The following TUSC3 variants were observed in gnomAD, a reference collection of about 807,000 sequenced individuals.
TUSC3 encodes dolichyl-diphosphooligosaccharide--protein glycosyltransferase subunit TUSC3.
Under a neutral mutation model 44.8 loss-of-function variants are expected in TUSC3, and 45 were observed. The observed-to-expected ratio is 1.00, with a 90% CI of 0.79 to 1.29. The LOEUF is 1.29. TUSC3 is among the 50% of genes most tolerant of loss of function. TUSC3 has a pLI of 0.00. For synonymous variants in TUSC3, 212 were observed against 152.9 expected, an observed-to-expected ratio of 1.39 and a Z score of -2.85; for missense variants, 519 against 437.9, an observed-to-expected ratio of 1.19 and a Z score of -1.65.
At chr8:15,761,442 T>C (rs527879426) in intron 10 of TUSC3, among the ~76,000 whole-genome samples, 1 of 152,284 alleles carries the variant, frequency 6.6e-6, no homozygotes, top group African/African-American at 2.4e-5. Context: ...GGGGGCACAT[T>C]TGTGCTAGTC....
the TUSC3 span, among the ~76,000 whole-genome samples, chr8:15,808,178 A>G: frequency 6.6e-6 from 1 of 152,178 alleles, no homozygotes; most frequent in Admixed American, 6.5e-5. Flanking sequence ...TTGAGTAACA[A>G]TTACCTGCAA....
Position 15,623,093 on chromosome 8 carries a change from A to G in TUSC3, c.152A>G (p.Glu51Gly). The stretch of plus-strand genomic sequence containing the variant: ...GTTTAATTGCAGAATCTTTTAGCTG[A>G]AAAAGTAGAGCAGCTGATGGAATGG... ...GQKKKENLLA[E>G]KVEQLMEWSS... The change falls in exon 2 of 11, where the codon GAA (glutamate) becomes GGA (glycine). Residue 51 changes from glutamate (E) to glycine (G), a missense_variant. By Grantham distance (98) the Glu-to-Gly change is moderately conservative (BLOSUM62 -2). Transcript: ENST00000503731. 1 of 1,613,606 alleles carries G rather than the reference A, an allele frequency of 6.2e-7. No individual in the cohort carries two copies. The highest frequency in any genetic ancestry group is 8.5e-7 in the Non-Finnish European group (1 of 1,179,720).
intron 2 of TUSC3, among the ~76,000 whole-genome samples, chr8:15,624,009 G>C (rs1174161707): frequency 6.6e-6 from 1 of 151,980 alleles, no homozygotes; most frequent in Non-Finnish European, 1.5e-5. Flanking sequence ...GCAATCACTA[G>C]TCTGTTCTCC....
chr8:15,783,365 AAAAC>A, the TUSC3 span, among the ~76,000 whole-genome samples: 1 of 152,348 alleles, frequency 6.6e-6, no homozygotes, highest in African/African-American at 2.4e-5. Flanking sequence ...CAGAAATAGA[AAAAC>A]AAATCCTAAA....
chr8:15,809,813 C>T, the TUSC3 span, among the ~76,000 whole-genome samples: 1 of 152,170 alleles, frequency 6.6e-6, no homozygotes, highest in Non-Finnish European at 1.5e-5. Context: ...CAACATTTGG[C>T]TTTCTTTACA....
intron 1 of TUSC3, among the ~76,000 whole-genome samples, chr8:15,568,605 C>CT (rs113701042): frequency 0.018 from 2,574 of 140,696 alleles, 63 homozygotes; most frequent in African/African-American, 0.055. Context: ...TACACAAATT[C>CT]TTTTTTTTTT....
intron 2 of TUSC3, among the ~76,000 whole-genome samples, chr8:15,500,927 A>G (rs1435907598): frequency 6.6e-6 from 1 of 152,230 alleles, no homozygotes; most frequent in Non-Finnish European, 1.5e-5. Flanking sequence ...ATAACTTTAA[A>G]TTCTTACAAG....
intron 10 of TUSC3, among the ~76,000 whole-genome samples, chr8:15,763,082 T>C (rs1563212165): frequency 6.6e-6 from 1 of 152,040 alleles, no homozygotes; most frequent in Non-Finnish European, 1.5e-5. Flanking sequence ...ACTGTGACTT[T>C]ATTTACATTT....
intron 6 of TUSC3, among the ~76,000 whole-genome samples, chr8:15,691,120 T>G (rs920402372): frequency 6.6e-6 from 1 of 152,040 alleles, no homozygotes; most frequent in African/African-American, 2.4e-5. Context: ...GCTATAGTGA[T>G]TCTTCCTAAT....
chr8:15,428,487 T>C (rs1489751367), intron 1 of TUSC3, among the ~76,000 whole-genome samples: 1 of 152,098 alleles, frequency 6.6e-6, no homozygotes, highest in Non-Finnish European at 1.5e-5. Flanking sequence ...ATATACCCAG[T>C]AATGGGATGG....
intron 1 of TUSC3, among the ~76,000 whole-genome samples, chr8:15,450,595 G>A (rs368002487): frequency 2.0e-5 from 3 of 152,188 alleles, no homozygotes; most frequent in Non-Finnish European, 4.4e-5. Context: ...GCTTGAACCC[G>A]GGCGGCAGAG....
At chr8:15,554,744 A>G (rs1308790926) in intron 1 of TUSC3, among the ~76,000 whole-genome samples, 1 of 150,016 alleles carries the variant, frequency 6.7e-6, no homozygotes, top group Non-Finnish European at 1.5e-5. Flanking sequence ...CTGGGACCAC[A>G]GGCGCCCTCA....
intron 1 of TUSC3, among the ~76,000 whole-genome samples, chr8:15,441,634 A>AT (rs1237864717): frequency 6.6e-6 from 1 of 152,178 alleles, no homozygotes; most frequent in Admixed American, 6.5e-5. Context: ...TATTAGGGAC[A>AT]TTTCTCATTC....
In TUSC3 at chr8:15,668,126, T is replaced by C. The variant is rs73665473; in HGVS notation, c.709-5621T>C. On this transcript the variant is annotated intron_variant, in intron 5 of 10. Coordinates refer to ENST00000503731, the MANE Select transcript of TUSC3 (RefSeq NM_006765.4). ...TGAGGTGGAAGGATTGGTATCTGTT[T>C]TGTACATGTAGCCACAGCATTTAGA... Among the ~76,000 whole-genome samples, 1,415 of 151,888 alleles carry C rather than the reference T, an allele frequency of 9.3e-3. 21 individuals are homozygous for C. The highest frequency in any genetic ancestry group is 0.033 in the African/African-American group (1,370 of 41,508).
intron 1 of TUSC3, among the ~76,000 whole-genome samples, chr8:15,422,003 T>C (rs1302104939): frequency 6.6e-6 from 1 of 152,204 alleles, no homozygotes; most frequent in Non-Finnish European, 1.5e-5. Context: ...CTAATTATAC[T>C]TATTGTTCCT....
chr8:15,693,560 C>G (rs1270620003), intron 6 of TUSC3, among the ~76,000 whole-genome samples: 3 of 149,506 alleles, frequency 2.0e-5, no homozygotes, highest in Non-Finnish European at 4.4e-5. Context: ...TGATCTGGCC[C>G]TTTTCTCTAG....
At chr8:15,844,135 C>T in the TUSC3 span, among the ~76,000 whole-genome samples, 1 of 152,060 alleles carries the variant, frequency 6.6e-6, no homozygotes, top group Non-Finnish European at 1.5e-5. Context: ...TAGCAGAATG[C>T]ACCATGACAA....
intron 4 of TUSC3, among the ~76,000 whole-genome samples, chr8:15,661,195 C>T (rs1259972556): frequency 6.6e-6 from 1 of 151,964 alleles, no homozygotes; most frequent in African/African-American, 2.4e-5. Context: ...CATAGGTTTA[C>T]ATTTACATAA....
chr8:15,636,587 G>A (rs1806087270), intron 2 of TUSC3, among the ~76,000 whole-genome samples: 1 of 152,202 alleles, frequency 6.6e-6, no homozygotes, highest in African/African-American at 2.4e-5. Flanking sequence ...TTAGTCAGCA[G>A]AATTCTCAGT....
Sources: allele counts gnomAD v4.1 joint callset (sites outside exome capture counted in the v4.1 genomes callset), GRCh38; gene constraint gnomAD v4.1.1; transcripts MANE v1.5; gene names NCBI Gene and HGNC (gene_info 2026-07-23, HGNC 2026-07-21).